Variants in VWC2L observed in about 807,000 individuals in gnomAD.
The protein encoded by VWC2L is von Willebrand factor C domain containing 2 like, also known as von Willebrand factor C domain-containing protein 2-like.
In VWC2L, 10 loss-of-function variants were observed where a neutral mutation model predicts 21.6. That is an observed-to-expected ratio of 0.46 (90% confidence interval 0.29 to 0.78). VWC2L has a LOEUF of 0.78. Among genes scored for constraint, VWC2L ranks in the 30% least tolerant of loss-of-function variants. The pLI is 0.10. For missense variants in VWC2L, 209 were observed against 277.1 expected, an observed-to-expected ratio of 0.75 and a Z score of 1.74; for synonymous variants, 96 against 94.3, an observed-to-expected ratio of 1.02 and a Z score of -0.10.
Position 214,420,668 on chromosome 2 carries a change from T to A in VWC2L, c.390+6085T>A, listed in dbSNP as rs145312258. Among the ~76,000 whole-genome samples, 1,323 of 152,280 alleles carry A rather than the reference T, an allele frequency of 8.7e-3. 24 individuals carry two copies. Among genetic ancestry groups the A allele is most frequent in the African/African-American group, 0.03 (1,254 of 41,556 alleles). On this transcript the variant is annotated intron_variant, in intron 2 of 3. Transcript: ENST00000312504. ...TAAAGAGTTTTATACAAAAGAGGGTTTTCATTTCTCAACAAATGGGTAGTG... is the reference window on the plus strand; with the variant it reads ...TAAAGAGTTTTATACAAAAGAGGGTATTCATTTCTCAACAAATGGGTAGTG...
chr2:214,528,208 C>T (rs547338877), intron 3 of VWC2L, among the ~76,000 whole-genome samples: 1 of 152,268 alleles, frequency 6.6e-6, no homozygotes, highest in African/African-American at 2.4e-5. Flanking sequence ...ACAGTTTAAG[C>T]ATTGCAAGAA....
Position 214,576,734 on chromosome 2 carries a change from A to G in VWC2L, c.*914A>G, listed in dbSNP as rs1690236092. On this transcript the variant is annotated 3_prime_UTR_variant, in exon 4 of 4. Transcript: ENST00000312504. ...GTGAGAAAACCCACTGTGAATCCAA[A>G]TCCTTATGAACATCTCTGGCTTTTG... The G allele has an allele frequency of 1.3e-5, 2 of 152,120 alleles. No individual in the cohort carries two copies. The highest frequency in any genetic ancestry group is 2.9e-5 in the Non-Finnish European group (2 of 68,022). 9.4% of individuals were successfully genotyped at this position (152,120 alleles called of 1,614,324 possible).
At chr2:214,519,970 T>C (rs1185137159) in intron 3 of VWC2L, among the ~76,000 whole-genome samples, 5 of 151,828 alleles carry the variant, frequency 3.3e-5, no homozygotes, top group Admixed American at 3.3e-4. Context: ...TCCACAAAAA[T>C]AAAACACTCT....
At chr2:214,526,330 A>G (rs527843943) in intron 3 of VWC2L, among the ~76,000 whole-genome samples, 1 of 152,310 alleles carries the variant, frequency 6.6e-6, no homozygotes, top group Admixed American at 6.5e-5. Context: ...TTAGAGCTAC[A>G]TCACCATGTA....
intron 3 of VWC2L, among the ~76,000 whole-genome samples, chr2:214,480,462 T>C (rs1688586425): frequency 6.6e-6 from 1 of 152,166 alleles, no homozygotes; most frequent in African/African-American, 2.4e-5. Flanking sequence ...AGGAGATATG[T>C]TAGCATTCAG....
At chr2:214,452,938 T>G (rs1245308516) in intron 3 of VWC2L, among the ~76,000 whole-genome samples, 3 of 152,212 alleles carry the variant, frequency 2.0e-5, no homozygotes, top group Non-Finnish European at 4.4e-5. Context: ...AGCTTGTTCT[T>G]CAGTTTGAAG....
chr2:214,545,162 G>A (rs1023255514), intron 3 of VWC2L, among the ~76,000 whole-genome samples: 2 of 151,962 alleles, frequency 1.3e-5, no homozygotes, highest in African/African-American at 2.4e-5. Context: ...AAATAAAAGG[G>A]CAAAGTAGTA....
chr2:214,467,359 C>T (rs1039291170), intron 3 of VWC2L, among the ~76,000 whole-genome samples: 1 of 151,296 alleles, frequency 6.6e-6, no homozygotes, highest in East Asian at 1.9e-4. Flanking sequence ...AAGCTCAATC[C>T]TCACTCAAGC....
chr2:214,452,644 C>T (rs954769945), intron 3 of VWC2L, among the ~76,000 whole-genome samples: 5 of 151,838 alleles, frequency 3.3e-5, no homozygotes, highest in Admixed American at 2.0e-4. Context: ...TAGATGTATA[C>T]GTAACTTTTT....
chr2:214,437,756 G>T (rs1702698824), intron 3 of VWC2L, among the ~76,000 whole-genome samples: 1 of 151,940 alleles, frequency 6.6e-6, no homozygotes, highest in African/African-American at 2.4e-5. Context: ...TAAGCATAAA[G>T]ATATCTTTTA....
chr2:214,517,985 T>C (rs1689171902), intron 3 of VWC2L, among the ~76,000 whole-genome samples: 1 of 152,106 alleles, frequency 6.6e-6, no homozygotes, highest in Non-Finnish European at 1.5e-5. Flanking sequence ...GCTAACACAG[T>C]GAAACCCCGT....
At chr2:214,501,327 A>C (rs1258806064) in intron 3 of VWC2L, among the ~76,000 whole-genome samples, 1 of 152,170 alleles carries the variant, frequency 6.6e-6, no homozygotes, top group South Asian at 2.1e-4. Context: ...TGTTCTCTCC[A>C]GCTCTGGTGG....
chr2:214,444,869 T>C (rs142709063), intron 3 of VWC2L, among the ~76,000 whole-genome samples: 178 of 152,126 alleles, frequency 1.2e-3, no homozygotes, highest in Non-Finnish European at 1.5e-3. Context: ...TAAATTTAAG[T>C]TGGATTAAAA....
intron 3 of VWC2L, among the ~76,000 whole-genome samples, chr2:214,534,844 C>T (rs999685298): frequency 3.3e-5 from 5 of 152,016 alleles, no homozygotes; most frequent in Admixed American, 1.3e-4. Flanking sequence ...ATGTCAGATG[C>T]AAATGTTTCC....
chr2:214,570,983 A>C (rs941494606), intron 3 of VWC2L, among the ~76,000 whole-genome samples: 1 of 152,208 alleles, frequency 6.6e-6, no homozygotes, highest in Non-Finnish European at 1.5e-5. Context: ...TAACTGCCCA[A>C]GCATCTTCTC....
intron 3 of VWC2L, among the ~76,000 whole-genome samples, chr2:214,492,205 G>A (rs979469431): frequency 6.6e-6 from 1 of 151,908 alleles, no homozygotes; most frequent in Non-Finnish European, 1.5e-5. Context: ...AATGACATGG[G>A]GTGACCCACT....
intron 3 of VWC2L, among the ~76,000 whole-genome samples, chr2:214,501,721 CAAAAA>C (rs776608301): frequency 1.3e-5 from 1 of 79,108 alleles, no homozygotes; most frequent in Admixed American, 1.4e-4. Context: ...GACTCTGTCT[CAAAAA>C]AAAAAAAAAA....
intron 3 of VWC2L, among the ~76,000 whole-genome samples, chr2:214,501,657 G>A (rs960441879): frequency 4.0e-5 from 6 of 150,996 alleles, no homozygotes; most frequent in Non-Finnish European, 5.9e-5. Flanking sequence ...GGAAGGCGGA[G>A]GTTGCCATGA....
chr2:214,508,684 T>C (rs1247232919), intron 3 of VWC2L, among the ~76,000 whole-genome samples: 1 of 152,230 alleles, frequency 6.6e-6, no homozygotes, highest in East Asian at 1.9e-4. Context: ...CTTCCATAGA[T>C]TTGTAAAAGT....
Sources: gnomAD v4.1 joint callset for allele counts (sites outside exome capture counted in the v4.1 genomes callset) on GRCh38, gnomAD v4.1.1 for gene constraint, MANE v1.5 for transcripts, NCBI Gene and HGNC (gene_info 2026-07-23, HGNC 2026-07-21) for gene names.